The following RAD51B variants were observed in gnomAD, a reference collection of about 807,000 sequenced individuals.
The protein encoded by RAD51B is DNA repair protein RAD51 homolog 2.
RAD51B carries 38 observed loss-of-function variants against 42.2 expected under a neutral mutation model. That is an observed-to-expected ratio of 0.90 (90% CI 0.70 to 1.18). The LOEUF is 1.18. RAD51B is among the 50% of genes most tolerant of loss of function. The pLI is 0.00. For missense variants in RAD51B, 373 were observed against 400.7 expected (o/e 0.93, Z 0.59); for synonymous variants, 154 against 145.2 (o/e 1.06, Z -0.43).
In RAD51B at chr14:67,877,041, A is replaced by T. The variant is rs551024140; in HGVS notation, c.453-8828A>T. Among the ~76,000 whole-genome samples, 16 of 152,286 alleles carry T rather than the reference A, an allele frequency of 1.1e-4. No homozygotes were observed. In the East Asian group the frequency reaches 2.9e-3, roughly 28 times the overall value. On this transcript the variant is annotated intron_variant, in intron 5 of 10. Transcript: ENST00000471583. ...TAGTTATCAGTTGAGGGAGTAAGGC[A>T]GACAGTTTCCCCTTTAGTAGGTATT...
chr14:67,892,040 A>G (rs919474060), intron 7 of RAD51B, among the ~76,000 whole-genome samples: 9 of 152,170 alleles, frequency 5.9e-5, no homozygotes, highest in African/African-American at 2.2e-4. Flanking sequence ...TTGTTGTATC[A>G]CTTTTCTAGA....
At chr14:68,111,824 C>T (rs916737178) in intron 7 of RAD51B, among the ~76,000 whole-genome samples, 4 of 152,020 alleles carry the variant, frequency 2.6e-5, no homozygotes, top group South Asian at 2.1e-4. Context: ...TGGTCACCTG[C>T]GGTGATAAGT....
intron 7 of RAD51B, among the ~76,000 whole-genome samples, chr14:67,930,170 G>T (rs1022103867): frequency 6.6e-6 from 1 of 152,054 alleles, no homozygotes; most frequent in Non-Finnish European, 1.5e-5. Context: ...TTTAAGTGGA[G>T]AATTTAATCC....
chr14:68,128,397 A>G (rs990524098), intron 7 of RAD51B, among the ~76,000 whole-genome samples: 3 of 152,180 alleles, frequency 2.0e-5, no homozygotes, highest in African/African-American at 7.2e-5. Context: ...AGGTTTCATT[A>G]AAAAGGGGCT....
chr14:68,617,665 CT>C (rs760110148), intron 10 of RAD51B, among the ~76,000 whole-genome samples: 1 of 152,184 alleles, frequency 6.6e-6, no homozygotes, highest in African/African-American at 2.4e-5. Context: ...GTTTCCCCTG[CT>C]GTAAAGTCCA....
At chr14:68,058,816 G>A (rs1283501570) in intron 7 of RAD51B, among the ~76,000 whole-genome samples, 1 of 152,092 alleles carries the variant, frequency 6.6e-6, no homozygotes, top group Admixed American at 6.6e-5. Flanking sequence ...TTAAAATTTT[G>A]TTAGATTCTA....
intron 11 of RAD51B, among the ~76,000 whole-genome samples, chr14:68,681,408 G>A (rs1893427453): frequency 6.6e-6 from 1 of 151,668 alleles, no homozygotes; most frequent in Non-Finnish European, 1.5e-5. Flanking sequence ...GGTGAAGGAG[G>A]AACAAGGGCC....
intron 7 of RAD51B, among the ~76,000 whole-genome samples, chr14:68,234,449 A>G (rs1415979554): frequency 6.6e-6 from 1 of 152,216 alleles, no homozygotes; most frequent in Non-Finnish European, 1.5e-5. Flanking sequence ...AGGTGATTTC[A>G]ACATTATGCA....
chr14:68,344,141 G>C (rs1266757704), intron 8 of RAD51B, among the ~76,000 whole-genome samples: 1 of 152,218 alleles, frequency 6.6e-6, no homozygotes, highest in East Asian at 1.9e-4. Flanking sequence ...TGGAGTGATG[G>C]GAAGAGGGCC....
At chr14:68,016,107 A>T (rs868172143) in intron 7 of RAD51B, among the ~76,000 whole-genome samples, 2 of 152,238 alleles carry the variant, frequency 1.3e-5, no homozygotes, top group African/African-American at 2.4e-5. Context: ...AAATGCTTCA[A>T]AAATATTTAC....
At chr14:68,549,660 C>T (rs1888430311) in intron 10 of RAD51B, among the ~76,000 whole-genome samples, 1 of 151,142 alleles carries the variant, frequency 6.6e-6, no homozygotes, top group East Asian at 2.0e-4. Context: ...GTGATCCGCC[C>T]GTCTCGGCCT....
At chr14:67,981,087 C>T (rs527711649) in intron 7 of RAD51B, among the ~76,000 whole-genome samples, 2 of 152,228 alleles carry the variant, frequency 1.3e-5, no homozygotes, top group South Asian at 4.1e-4. Flanking sequence ...TGGTGGATTA[C>T]ATCTGTAATC....
intron 7 of RAD51B, among the ~76,000 whole-genome samples, chr14:68,154,823 C>T (rs566680701): frequency 6.6e-5 from 10 of 151,808 alleles, no homozygotes; most frequent in African/African-American, 2.4e-4. Flanking sequence ...GTCCCTGTTA[C>T]TTAATCTTTG....
chr14:67,974,668 A>C (rs1262029333), intron 7 of RAD51B, among the ~76,000 whole-genome samples: 1 of 152,116 alleles, frequency 6.6e-6, no homozygotes, highest in East Asian at 1.9e-4. Context: ...ACTTCACTAG[A>C]TATTTAATCA....
At chr14:68,568,838 T>C (rs1889553148) in intron 10 of RAD51B, among the ~76,000 whole-genome samples, 1 of 152,212 alleles carries the variant, frequency 6.6e-6, no homozygotes, top group African/African-American at 2.4e-5. Flanking sequence ...TCATCTTTTT[T>C]GATATTTTGG....
chr14:68,199,082 C>A (rs1241840490), intron 7 of RAD51B, among the ~76,000 whole-genome samples: 4 of 152,136 alleles, frequency 2.6e-5, no homozygotes, highest in African/African-American at 9.7e-5. Context: ...TGAAACAATT[C>A]TAGTTTCTCT....
At chr14:68,525,181 G>A (rs1035331389) in intron 10 of RAD51B, among the ~76,000 whole-genome samples, 1 of 152,250 alleles carries the variant, frequency 6.6e-6, no homozygotes, top group Non-Finnish European at 1.5e-5. Flanking sequence ...TATCAGCTTT[G>A]GAGATGGAAG....
chr14:68,303,771 C>T (rs1333412198), intron 8 of RAD51B, among the ~76,000 whole-genome samples: 1 of 152,158 alleles, frequency 6.6e-6, no homozygotes, highest in East Asian at 1.9e-4. Flanking sequence ...TAACATCAGG[C>T]GAGCCCTCCA....
chr14:68,270,923 T>C (rs2081092790), intron 7 of RAD51B, among the ~76,000 whole-genome samples: 1 of 152,214 alleles, frequency 6.6e-6, no homozygotes, highest in African/African-American at 2.4e-5. Context: ...AGATAAGATG[T>C]TAAAGGATTT....
Sources: allele counts gnomAD v4.1 joint callset (sites outside exome capture counted in the v4.1 genomes callset), GRCh38; gene constraint gnomAD v4.1.1; transcripts MANE v1.5; gene names NCBI Gene and HGNC (gene_info 2026-07-23, HGNC 2026-07-21).